C1GALT1: variants seen among roughly 807,000 people sequenced by gnomAD.
C1GALT1 encodes the protein core 1 synthase, glycoprotein-N-acetylgalactosamine 3-beta-galactosyltransferase 1.
A neutral mutation model predicts 31.0 loss-of-function variants in C1GALT1; 11 were observed. The observed-to-expected ratio is 0.36, with a 90% confidence interval of 0.22 to 0.59. C1GALT1 has a LOEUF of 0.59. C1GALT1 is among the 20% of genes least tolerant of loss of function. The pLI is 0.79. For missense variants in C1GALT1, 424 were observed against 425.2 expected (o/e 1.00, Z 0.03); for synonymous variants, 175 against 143.6 (o/e 1.22, Z -1.56).
At chr7:7,185,970 A>G (rs542547694) in intron 1 of C1GALT1, among the ~76,000 whole-genome samples, 13 of 152,196 alleles carry the variant, frequency 8.5e-5, no homozygotes, top group Non-Finnish European at 1.3e-4. Flanking sequence ...AGAATATCTG[A>G]AACTGGATAA....
chr7:7,159,389 A>G (rs1562549923), intron 2 of C1GALT1, among the ~76,000 whole-genome samples: 1 of 152,126 alleles, frequency 6.6e-6, no homozygotes, highest in Non-Finnish European at 1.5e-5. Context: ...GCAGTAAAAG[A>G]CTAGGAAGCA....
intron 1 of C1GALT1, among the ~76,000 whole-genome samples, chr7:7,196,387 A>G (rs1439833409): frequency 6.6e-6 from 1 of 152,198 alleles, no homozygotes; most frequent in Non-Finnish European, 1.5e-5. Flanking sequence ...TACAGAGGAC[A>G]TGAACTCATC....
chr7:7,171,479 C>T (rs1401411674), intron 2 of C1GALT1, among the ~76,000 whole-genome samples: 1 of 152,042 alleles, frequency 6.6e-6, no homozygotes, highest in Non-Finnish European at 1.5e-5. Context: ...CTTTCACTTT[C>T]TACCTATTTG....
Position 7,182,628 on chromosome 7 carries a change from G to A in C1GALT1, c.-210G>A. The A allele has an allele frequency of 1.0e-5, 2 of 194,778 alleles. No individual in the cohort carries two copies. Among genetic ancestry groups the A allele is most frequent in the Non-Finnish European group, 1.9e-5 (2 of 107,028 alleles). 12.1% of individuals were successfully genotyped at this position (194,778 alleles called of 1,614,324 possible). On this transcript the variant is annotated 5_prime_UTR_variant, in exon 1 of 4. Coordinates refer to ENST00000436587, the MANE Select transcript of C1GALT1 (RefSeq NM_020156.5). ...AGGGGCGGAGCGAGCGGGCGGGAGCGCGCGCTGGGCCCGCCTTGGCCGCCG... is the reference window on the plus strand; with the variant it reads ...AGGGGCGGAGCGAGCGGGCGGGAGCACGCGCTGGGCCCGCCTTGGCCGCCG...
chr7:7,236,068 G>T (rs1290465929), intron 2 of C1GALT1, among the ~76,000 whole-genome samples: 1 of 152,070 alleles, frequency 6.6e-6, no homozygotes, highest in Non-Finnish European at 1.5e-5. Context: ...CCTATCTACT[G>T]CTCTGTAGGA....
chr7:7,202,961 T>G lies in C1GALT1; in HGVS notation c.-18+20141T>G, dbSNP rs571812111. Among the ~76,000 whole-genome samples, 9 of 152,248 alleles carry G rather than the reference T, an allele frequency of 5.9e-5. No homozygotes were observed. In the East Asian group the frequency reaches 1.7e-3, roughly 29 times the overall value. ...CACTGTCTTGGTTAATTCCTAAGGT[T>G]TCTTTTTTTTGCTGTTGTAAATGGA... On this transcript the variant is annotated intron_variant, in intron 1 of 3. Coordinates refer to ENST00000436587, the MANE Select transcript of C1GALT1 (RefSeq NM_020156.5).
upstream of C1GALT1, among the ~76,000 whole-genome samples, chr7:7,179,401 C>A (rs113439473): frequency 6.6e-6 from 1 of 151,984 alleles, no homozygotes; most frequent in Non-Finnish European, 1.5e-5. Context: ...ATTTAATACA[C>A]GAAATTTAAC....
intron 2 of C1GALT1, among the ~76,000 whole-genome samples, chr7:7,157,707 C>G (rs1472365537): frequency 6.6e-6 from 1 of 152,208 alleles, no homozygotes; most frequent in Non-Finnish European, 1.5e-5. Context: ...TAATCAACCT[C>G]TATCTCACAG....
intron 2 of C1GALT1, among the ~76,000 whole-genome samples, chr7:7,176,478 G>C (rs1199388367): frequency 1.3e-5 from 2 of 152,040 alleles, no homozygotes; most frequent in African/African-American, 4.8e-5. Flanking sequence ...AACAATTAAG[G>C]AACACTCCTG....
chr7:7,174,133 G>T (rs1780481299), intron 2 of C1GALT1, among the ~76,000 whole-genome samples: 1 of 152,054 alleles, frequency 6.6e-6, no homozygotes, highest in South Asian at 2.1e-4. Context: ...GAGTGCTCTG[G>T]TATCTCTTCT....
At chr7:7,160,726 G>A (rs546751162) in intron 2 of C1GALT1, among the ~76,000 whole-genome samples, 73 of 152,138 alleles carry the variant, frequency 4.8e-4, no homozygotes, top group African/African-American at 1.8e-3. Flanking sequence ...GGCGTGTGTC[G>A]AAGTACATGT....
At chr7:7,186,881 A>G (rs947343623) in intron 1 of C1GALT1, among the ~76,000 whole-genome samples, 1 of 152,206 alleles carries the variant, frequency 6.6e-6, no homozygotes, top group Non-Finnish European at 1.5e-5. Flanking sequence ...GTGGAGTAGG[A>G]TGCAGATTGT....
chr7:7,197,715 T>C (rs1415073967), intron 1 of C1GALT1, among the ~76,000 whole-genome samples: 2 of 152,084 alleles, frequency 1.3e-5, no homozygotes, highest in East Asian at 1.9e-4. Flanking sequence ...TCTTTTATTT[T>C]GTTGAGCAGT....
At position 7,246,103 on chromosome 7, in the gene C1GALT1, GTATT is replaced by G; in HGVS notation, c.*2380_*2383del. 6.6e-6 allele frequency: 1 copy of G among 152,280 alleles called. No individual in the cohort carries two copies. Among genetic ancestry groups the G allele is most frequent in the African/African-American group, 2.4e-5 (1 of 41,552 alleles). 9.4% of individuals were successfully genotyped at this position (152,280 alleles called of 1,614,324 possible). On this transcript the variant is annotated 3_prime_UTR_variant, in exon 4 of 4. Coordinates refer to ENST00000436587, the MANE Select transcript of C1GALT1 (RefSeq NM_020156.5). ...TACTGAAGGAAATAAGTAATAGCTA[GTATT>G]TATCCAATGCCAACTGTATGCTAGG...
intron 1 of C1GALT1, among the ~76,000 whole-genome samples, chr7:7,215,848 C>T (rs2108790): frequency 0.7 from 105,611 of 151,852 alleles, 37,560 homozygotes; most frequent in East Asian, 0.94. Flanking sequence ...TTTGGAAAGT[C>T]TCTGTATACC....
chr7:7,241,965 C>T (rs1261291155), intron 3 of C1GALT1, among the ~76,000 whole-genome samples: 5 of 151,910 alleles, frequency 3.3e-5, no homozygotes, highest in African/African-American at 1.2e-4. Flanking sequence ...ATAAAAATTG[C>T]TTCCAGAGGT....
chr7:7,230,774 T>G (rs952244383), intron 1 of C1GALT1, among the ~76,000 whole-genome samples: 2 of 151,856 alleles, frequency 1.3e-5, no homozygotes, highest in Admixed American at 1.3e-4. Flanking sequence ...TTAATCAGTT[T>G]TTTTTTTTTA....
chr7:7,191,093 C>G (rs1402903824), intron 1 of C1GALT1, among the ~76,000 whole-genome samples: 1 of 152,088 alleles, frequency 6.6e-6, no homozygotes. Context: ...CTCCAGAACT[C>G]TTTATTTTGT....
chr7:7,181,787 T>C (rs574051153), upstream of C1GALT1, among the ~76,000 whole-genome samples: 1 of 152,278 alleles, frequency 6.6e-6, no homozygotes, highest in African/African-American at 2.4e-5. Context: ...CGTGGTCTTG[T>C]AGATAATGGT....
Sources: gnomAD v4.1 joint callset for allele counts (sites outside exome capture counted in the v4.1 genomes callset) on GRCh38, gnomAD v4.1.1 for gene constraint, MANE v1.5 for transcripts, NCBI Gene and HGNC (gene_info 2026-07-23, HGNC 2026-07-21) for gene names.